Variants in RGS3 observed in about 807,000 individuals in gnomAD.
RGS3 encodes the protein regulator of G protein signaling 3.
A neutral mutation model predicts 132.6 loss-of-function variants in RGS3; 80 were observed. That is an observed-to-expected ratio of 0.60 (90% CI 0.50 to 0.73). The LOEUF is 0.73. Among genes scored for constraint, RGS3 ranks in the 30% least tolerant of loss-of-function variants. RGS3 has a pLI of 0.00. For missense variants in RGS3, 1,382 were observed against 1,530.8 expected, an observed-to-expected ratio of 0.90 and a Z score of 1.62; for synonymous variants, 598 against 620.6, an observed-to-expected ratio of 0.96 and a Z score of 0.54.
chr9:113,541,270 C>A, intron 19 of RGS3: 1 of 1,580,302 alleles, frequency 6.3e-7, no homozygotes, highest in Non-Finnish European at 8.6e-7. Context: ...AGTCAGGCAG[C>A]CCGGCCTGAG....
intron 19 of RGS3, among the ~76,000 whole-genome samples, chr9:113,569,250 G>C (rs987609470): frequency 1.3e-5 from 2 of 152,188 alleles, no homozygotes; most frequent in Non-Finnish European, 2.9e-5. Flanking sequence ...GGTTAGCCTT[G>C]GGCAAATAGC....
At chr9:113,553,457 AAAATATATATAT>A (rs1276892770) in intron 19 of RGS3, among the ~76,000 whole-genome samples, 14 of 90,914 alleles carry the variant, frequency 1.5e-4, no homozygotes, top group African/African-American at 5.5e-4. Flanking sequence ...AAAAAAAAAA[AAAATATATATAT>A]ATATATATAT....
In RGS3 at chr9:113,484,233, G is replaced by A; in HGVS notation, c.620+1G>A. The A allele has an allele frequency of 6.8e-7, 1 of 1,462,444 alleles. No individual in the cohort carries two copies. The highest frequency in any genetic ancestry group is 9.2e-7 in the Non-Finnish European group (1 of 1,081,222). The allele number at this position is 1,462,444 out of a possible 1,614,324, so 90.6% of individuals were successfully genotyped here. A position where few individuals can be genotyped will look rare whatever the true frequency, so the allele number is the denominator to read the frequency against. ...CGGCTTTCCACGAGCACTTCTTCTT[G>A]TAAGAGTCTGGTGCAGCTGGGCCCT... On this transcript the variant is annotated splice_donor_variant, in intron 6 of 24. Transcript: ENST00000350696. LOFTEE classifies it high-confidence loss of function.
At position 113,463,798 on chromosome 9, in the gene RGS3, A is replaced by G. The variant is rs1829537753; in HGVS notation, c.415+1597A>G. On this transcript the variant is annotated intron_variant, in intron 3 of 24. Transcript: ENST00000350696. The surrounding 1 kb of genome is among the most constrained non-coding windows in gnomAD (Gnocchi z 4.6). ...ACGCTCCTGTCCGGGTCGCAGTGGG[A>G]CGCCATGGAGCGCTCCCTGCACCGC... The G allele has an allele frequency of 6.2e-6, 10 of 1,607,122 alleles. No individual in the cohort carries two copies. Among genetic ancestry groups the G allele is most frequent in the Non-Finnish European group, 8.5e-6 (10 of 1,177,666 alleles).
In RGS3 at chr9:113,537,032, G is replaced by A; in HGVS notation, c.2037+114G>A. 1.0e-6 allele frequency: 1 copy of A among 986,782 alleles called. No individual in the cohort carries two copies. The highest frequency in any genetic ancestry group is 1.5e-6 in the Non-Finnish European group (1 of 666,692). The allele number at this position is 986,782 out of a possible 1,614,324, so 61.1% of individuals were successfully genotyped here. The stretch of plus-strand genomic sequence containing the variant: ...CAGCCTGAGCTTCCAACTTGGCTCT[G>A]GGCAATGAGCTCTTGGCAAGCGGGG... On this transcript the variant is annotated intron_variant, in intron 19 of 24. Transcript: ENST00000350696. This position sits in a 1 kb window ranked among gnomAD's most constrained non-coding sequence, Gnocchi z 4.3.
intron 19 of RGS3, among the ~76,000 whole-genome samples, chr9:113,557,827 TA>T (rs11338755): frequency 0.12 from 18,092 of 152,102 alleles, 1,301 homozygotes; most frequent in African/African-American, 0.19. Flanking sequence ...GTGGGGACCC[TA>T]ACGCAGGCCA....
intron 19 of RGS3, among the ~76,000 whole-genome samples, chr9:113,569,573 CCTTCT>C (rs1834173959): frequency 1.4e-5 from 2 of 146,036 alleles, no homozygotes; most frequent in Non-Finnish European, 3.0e-5. Flanking sequence ...CCGTGTCTTT[CCTTCT>C]TTCCTTCCTT....
intron 19 of RGS3, among the ~76,000 whole-genome samples, chr9:113,573,772 G>A (rs1457506960): frequency 2.0e-5 from 3 of 152,158 alleles, no homozygotes; most frequent in Admixed American, 6.5e-5. Flanking sequence ...ACCATGTGGA[G>A]TCCGAGCGGG....
chr9:113,596,791 G>A (rs1402350222), exon 25 of RGS3: 13 of 1,612,434 alleles, frequency 8.1e-6, no homozygotes, highest in Non-Finnish European at 1.1e-5. Context: ...CCTACACGCG[G>A]GAGCACACCA....
At chr9:113,553,459 A>AAAAAAAAAATAT (rs1426114805) in intron 19 of RGS3, among the ~76,000 whole-genome samples, 96 of 58,684 alleles carry the variant, frequency 1.6e-3, no homozygotes, top group Admixed American at 2.5e-3. Context: ...AAAAAAAAAA[A>AAAAAAAAAATAT]ATATATATAT....
intron 7 of RGS3, among the ~76,000 whole-genome samples, chr9:113,494,639 A>T (rs2119269345): frequency 6.6e-6 from 1 of 152,122 alleles, no homozygotes; most frequent in East Asian, 1.9e-4. Flanking sequence ...GGCTCATGCC[A>T]CCATGCCCTG....
intron 15 of RGS3, among the ~76,000 whole-genome samples, chr9:113,515,273 C>A (rs757847370): frequency 5.3e-5 from 8 of 152,020 alleles, no homozygotes; most frequent in South Asian, 2.1e-4. Context: ...TGATCATAAC[C>A]CTGCACTCCA....
intron 17 of RGS3, among the ~76,000 whole-genome samples, chr9:113,526,035 C>T (rs1300722276): frequency 1.3e-5 from 2 of 152,216 alleles, no homozygotes; most frequent in Non-Finnish European, 1.5e-5. Context: ...ACAATTGGAA[C>T]ATCTCCGGTC....
chr9:113,469,042 A>ATTTTTTT (rs145400431), intron 3 of RGS3, among the ~76,000 whole-genome samples: 1 of 102,138 alleles, frequency 9.8e-6, no homozygotes, highest in African/African-American at 3.8e-5. Flanking sequence ...TTTGCTCAGC[A>ATTTTTTT]TTTTTTTTTT....
At chr9:113,475,555 A>G (rs1469939517) in intron 3 of RGS3, among the ~76,000 whole-genome samples, 1 of 152,098 alleles carries the variant, frequency 6.6e-6, no homozygotes, top group East Asian at 1.9e-4. Flanking sequence ...ACAGGCACGC[A>G]CCACGGTGCC....
intron 3 of RGS3, chr9:113,479,169 C>G: frequency 2.8e-6 from 1 of 356,342 alleles, no homozygotes; most frequent in Non-Finnish European, 5.2e-6. Context: ...TTCTCCTACA[C>G]CTTTACCAAC....
rs558091698 is a variant in RGS3, at chr9:113,567,923, A to G, written c.2038-15527A>G. On this transcript the variant is annotated intron_variant, in intron 19 of 24. Transcript: ENST00000350696. ...AGGCACAGCTGAAGAGAGAGTGCCTATCCCCAGCTGGGTCCCTGGGGGCCT... is the reference window on the plus strand; with the variant it reads ...AGGCACAGCTGAAGAGAGAGTGCCTGTCCCCAGCTGGGTCCCTGGGGGCCT... Among the ~76,000 whole-genome samples, 20 of 152,338 alleles carry G rather than the reference A, an allele frequency of 1.3e-4. No individual in the cohort carries two copies. In the East Asian group the frequency reaches 3.3e-3, roughly 25 times the overall value.
upstream of RGS3, among the ~76,000 whole-genome samples, chr9:113,459,353 C>A (rs1480104612): frequency 6.6e-6 from 1 of 152,170 alleles, no homozygotes; most frequent in Non-Finnish European, 1.5e-5. Context: ...TTAAAAATTT[C>A]AAACTTTTTA....
At chr9:113,538,314 A>G (rs1202154252) in intron 19 of RGS3, among the ~76,000 whole-genome samples, 1 of 152,136 alleles carries the variant, frequency 6.6e-6, no homozygotes, top group Non-Finnish European at 1.5e-5. Context: ...ACCTGTCCCC[A>G]TGCCTATAGG....
Sources: allele counts gnomAD v4.1 joint callset (sites outside exome capture counted in the v4.1 genomes callset), GRCh38; gene constraint gnomAD v4.1.1; non-coding constraint Gnocchi (gnomAD v3.1); transcripts MANE v1.5; gene names NCBI Gene and HGNC (gene_info 2026-07-23, HGNC 2026-07-21).